Variants in ARFGEF2 observed in about 807,000 individuals in gnomAD.
The protein encoded by ARFGEF2 is ARF guanine nucleotide exchange factor 2, also known as brefeldin A-inhibited guanine nucleotide-exchange protein 2.
A neutral mutation model predicts 219.9 loss-of-function variants in ARFGEF2; 74 were observed. That is an observed-to-expected ratio of 0.34 (90% CI 0.28 to 0.41). ARFGEF2 has a LOEUF of 0.41. Ranked by LOEUF, ARFGEF2 falls within the 10% of genes least tolerant of loss-of-function variation. The pLI is 1.00. For missense variants in ARFGEF2, 1,743 were observed against 2,218.3 expected, an observed-to-expected ratio of 0.79 and a Z score of 4.30; for synonymous variants, 733 against 799.2, an observed-to-expected ratio of 0.92 and a Z score of 1.40.
At chr20:48,943,572 TC>T (rs1443855919) in intron 3 of ARFGEF2, among the ~76,000 whole-genome samples, 1 of 152,204 alleles carries the variant, frequency 6.6e-6, no homozygotes, top group Non-Finnish European at 1.5e-5. Flanking sequence ...ACATTTATTC[TC>T]TTTTTTGTTT....
At chr20:48,922,757 T>C (rs1362826355) in intron 1 of ARFGEF2, among the ~76,000 whole-genome samples, 3 of 152,252 alleles carry the variant, frequency 2.0e-5, no homozygotes. Context: ...GGCTTGATAA[T>C]TGATAGCAAA....
intron 6 of ARFGEF2, 149 bp downstream of exon 6, chr20:48,953,939 G>A (rs1568701567): frequency 2.3e-6 from 2 of 865,342 alleles, no homozygotes; most frequent in Non-Finnish European, 3.8e-6. Context: ...TTTCTCTTAG[G>A]GAACACAACC....
intron 5 of ARFGEF2, 147 bp downstream of exon 5, chr20:48,953,031 GC>G: frequency 1.1e-6 from 1 of 891,378 alleles, no homozygotes; most frequent in Non-Finnish European, 1.8e-6. Flanking sequence ...TTTTGTTCTT[GC>G]TTTAAAAATC....
intron 34 of ARFGEF2, among the ~76,000 whole-genome samples, chr20:49,022,688 T>C (rs1389753763): frequency 6.6e-6 from 1 of 152,236 alleles, no homozygotes; most frequent in Non-Finnish European, 1.5e-5. Flanking sequence ...CCTGACACTT[T>C]CTATCCCTGT....
At chr20:49,029,903 T>A (rs6019598) in intron 37 of ARFGEF2, among the ~76,000 whole-genome samples, 230 of 18,368 alleles carry the variant, frequency 0.013, 2 homozygotes, top group African/African-American at 0.063. Flanking sequence ...TAAAAGTGAA[T>A]TTTTTTTTTT....
chr20:48,936,907 G>A (rs1322279270), intron 1 of ARFGEF2, among the ~76,000 whole-genome samples: 1 of 152,080 alleles, frequency 6.6e-6, no homozygotes, highest in Non-Finnish European at 1.5e-5. Context: ...CTTCTTTTGA[G>A]AAGTGTCTGT....
chr20:48,928,904 T>G (rs897562165), intron 1 of ARFGEF2, among the ~76,000 whole-genome samples: 1 of 152,214 alleles, frequency 6.6e-6, no homozygotes, highest in Non-Finnish European at 1.5e-5. Flanking sequence ...GAAGCAGTGG[T>G]TGGATAGAAT....
chr20:49,019,132 CAA>C, intron 34 of ARFGEF2, 134 bp downstream of exon 34: 1 of 722,156 alleles, frequency 1.4e-6, no homozygotes, highest in Non-Finnish European at 2.4e-6. Context: ...CTGTAGCAGC[CAA>C]GGTTACCTGT....
In ARFGEF2 at chr20:49,018,920, G is replaced by A. The variant is rs1225200167; in HGVS notation, c.4546G>A (p.Asp1516Asn). 1.9e-6 allele frequency: 3 copies of A among 1,614,018 alleles called. No homozygotes were observed. Among genetic ancestry groups the A allele is most frequent in the East Asian group, 4.5e-5 (2 of 44,878 alleles). ...GGACCGCCAGTCTTTAAGCAGCATA[G>A]ATAAAAATCCCTCTGAGAGGGGACA... is the stretch of plus-strand genomic sequence containing the variant. ...DLDRQSLSSIDKNPSERGQSQ... is the reference protein window; with the variant it reads ...DLDRQSLSSINKNPSERGQSQ... The change falls in exon 34 of 39, where the codon GAT (aspartate) becomes AAT (asparagine). Residue 1516 changes from aspartate to asparagine, a missense_variant. Coordinates refer to ENST00000371917, the MANE Select transcript of ARFGEF2 (RefSeq NM_006420.3).
At chr20:49,031,746 C>T (rs1414253719) in intron 37 of ARFGEF2, among the ~76,000 whole-genome samples, 2 of 151,870 alleles carry the variant, frequency 1.3e-5, no homozygotes, top group Non-Finnish European at 2.9e-5. Context: ...GAAACCCCAT[C>T]TCTACTAAAA....
chr20:48,929,845 A>G (rs988198827), intron 1 of ARFGEF2, among the ~76,000 whole-genome samples: 5 of 152,200 alleles, frequency 3.3e-5, no homozygotes, highest in African/African-American at 9.7e-5. Flanking sequence ...TGGGAGAGGT[A>G]GGCCAAGACC....
chr20:48,975,918 T>C, intron 13 of ARFGEF2, 98 bp from the exon 14 acceptor site: 1 of 1,083,366 alleles, frequency 9.2e-7, no homozygotes, highest in Non-Finnish European at 1.4e-6. Flanking sequence ...TTGTTGCTAT[T>C]ACAGGTTTGG....
rs199896661 is a variant in ARFGEF2, at chr20:48,976,209, G to A, written c.1958+10G>A. Reference sequence around the variant, plus strand: ...AACACGGCATCGAGCTGTGAGTGGGGCTGCCGTTAACTAGCAGGGATTCTA... The same window carrying A: ...AACACGGCATCGAGCTGTGAGTGGGACTGCCGTTAACTAGCAGGGATTCTA... On this transcript the variant is annotated intron_variant, in intron 14 of 38. Coordinates refer to ENST00000371917, the MANE Select transcript of ARFGEF2 (RefSeq NM_006420.3). The A allele has an allele frequency of 7.4e-6, 12 of 1,612,906 alleles. No homozygotes were observed. The highest frequency in any genetic ancestry group is 1.3e-5 in the African/African-American group (1 of 74,902).
intron 2 of ARFGEF2, among the ~76,000 whole-genome samples, 190 bp from the exon 3 acceptor site, chr20:48,941,674 A>G (rs1003755592): frequency 6.6e-6 from 1 of 152,228 alleles, no homozygotes; most frequent in Non-Finnish European, 1.5e-5. Context: ...CATGCCAATC[A>G]GAGAACTTGC....
intron 3 of ARFGEF2, among the ~76,000 whole-genome samples, chr20:48,949,671 G>C (rs1441349434): frequency 2.0e-5 from 3 of 152,056 alleles, no homozygotes; most frequent in African/African-American, 7.2e-5. Flanking sequence ...ACTAGCTAAG[G>C]AAGGGGAAAA....
intron 6 of ARFGEF2, among the ~76,000 whole-genome samples, chr20:48,956,370 A>G (rs1430366666): frequency 6.6e-6 from 1 of 152,158 alleles, no homozygotes; most frequent in Non-Finnish European, 1.5e-5. Flanking sequence ...GAATTCACCA[A>G]TAGACCTGGA....
At chr20:48,927,961 A>G (rs1237249911) in intron 1 of ARFGEF2, among the ~76,000 whole-genome samples, 1 of 152,162 alleles carries the variant, frequency 6.6e-6, no homozygotes, top group Non-Finnish European at 1.5e-5. Context: ...ATTGAAAAGC[A>G]TTTATATGTA....
intron 1 of ARFGEF2, among the ~76,000 whole-genome samples, chr20:48,938,026 C>T (rs1273181264): frequency 6.6e-6 from 1 of 152,196 alleles, no homozygotes; most frequent in African/African-American, 2.4e-5. Context: ...AGAGTAATTC[C>T]ATATGCTTGT....
chr20:49,009,970 G>T (rs938012083), intron 26 of ARFGEF2, among the ~76,000 whole-genome samples: 1 of 152,172 alleles, frequency 6.6e-6, no homozygotes, highest in Non-Finnish European at 1.5e-5. Context: ...TGAGACCCAG[G>T]CTTTTTCCTT....
Sources: gnomAD v4.1 joint callset for allele counts (sites outside exome capture counted in the v4.1 genomes callset) on GRCh38, gnomAD v4.1.1 for gene constraint, MANE v1.5 for transcripts, NCBI Gene and HGNC (gene_info 2026-07-23, HGNC 2026-07-21) for gene names.